Variants in BCAS3 observed in about 807,000 individuals in gnomAD.
BCAS3 encodes the protein BCAS3 microtubule associated cell migration factor, also known as BCAS4/BCAS3 fusion.
A neutral mutation model predicts 116.1 loss-of-function variants in BCAS3; 53 were observed. The observed-to-expected ratio is 0.46, with a 90% CI of 0.37 to 0.57. The LOEUF (loss-of-function observed/expected upper bound fraction) is 0.57. Among genes scored for constraint, BCAS3 ranks in the 20% least tolerant of loss-of-function variants. The probability of loss-of-function intolerance (pLI) is 0.00; values close to 1 mark genes in which losing one functional copy is unlikely to be tolerated. For synonymous variants in BCAS3, 391 were observed against 408.2 expected (o/e 0.96, Z 0.51); for missense variants, 917 against 1,165.4 (o/e 0.79, Z 3.10).
At position 61,286,371 on chromosome 17, in the gene BCAS3, C is replaced by G. The variant is rs1011391857; in HGVS notation, c.2426-81956C>G. Among the ~76,000 whole-genome samples the G allele has an allele frequency of 3.9e-5, 6 of 152,132 alleles. No individual in the cohort carries two copies. The highest frequency in any genetic ancestry group is 5.9e-5 in the Non-Finnish European group (4 of 68,030). ...GTTTATACTGATGTCTGCGCCCACT[C>G]CTGTGCTGGTGAAGTCTGGCGTGTG... On this transcript the variant is annotated intron_variant, in intron 22 of 23. Transcript: ENST00000407086. The surrounding 1 kb of genome is among the most constrained non-coding windows in gnomAD (Gnocchi z 4.8).
At chr17:61,043,792 G>T (rs1346980234) in intron 19 of BCAS3, among the ~76,000 whole-genome samples, 3 of 151,974 alleles carry the variant, frequency 2.0e-5, no homozygotes, top group Non-Finnish European at 4.4e-5. Flanking sequence ...ACAAATTATT[G>T]TAAAATAAAA....
At chr17:61,305,707 G>A (rs190556053) in intron 22 of BCAS3, among the ~76,000 whole-genome samples, 2,126 of 152,188 alleles carry the variant, frequency 0.014, 21 homozygotes, top group Non-Finnish European at 0.018. Flanking sequence ...AGCAGCCTGG[G>A]CAACATGGTG....
chr17:60,770,515 T>C (rs1433019608), intron 6 of BCAS3, among the ~76,000 whole-genome samples: 1 of 148,582 alleles, frequency 6.7e-6, no homozygotes, highest in Non-Finnish European at 1.5e-5. Flanking sequence ...GACTCCCTGG[T>C]TGAAACGATT....
intron 3 of BCAS3, among the ~76,000 whole-genome samples, chr17:60,685,265 A>G (rs559748212): frequency 1.3e-5 from 2 of 152,134 alleles, no homozygotes; most frequent in African/African-American, 4.8e-5. Flanking sequence ...CCTGACCAAC[A>G]TGGAGAAACC....
chr17:61,096,044 C>T (rs117964263), intron 22 of BCAS3, among the ~76,000 whole-genome samples: 7,601 of 152,184 alleles, frequency 0.05, 268 homozygotes, highest in Non-Finnish European at 0.08. Flanking sequence ...GTTGTCCAGG[C>T]TGGAGTGCAG....
intron 8 of BCAS3, among the ~76,000 whole-genome samples, chr17:60,872,461 A>C (rs1287225456): frequency 6.6e-6 from 1 of 150,462 alleles, no homozygotes; most frequent in African/African-American, 2.5e-5. Flanking sequence ...ATACACACAC[A>C]CCCCATATAT....
At chr17:60,812,330 A>C (rs2048908838) in intron 7 of BCAS3, among the ~76,000 whole-genome samples, 1 of 152,182 alleles carries the variant, frequency 6.6e-6, no homozygotes, top group Non-Finnish European at 1.5e-5. Flanking sequence ...GAGTTTGCAA[A>C]AAAATGTGAC....
Position 61,087,333 on chromosome 17 carries a change from A to G in BCAS3, c.2425+2769A>G, listed in dbSNP as rs987958456. 1.5e-5 allele frequency: 7 copies of G among 479,648 alleles called. No individual in the cohort carries two copies. Among genetic ancestry groups the G allele is most frequent in the Non-Finnish European group, 1.6e-5 (6 of 367,774 alleles). 29.7% of individuals were successfully genotyped at this position (479,648 alleles called of 1,614,324 possible). ...ATGGATTATCTTCTTAATTATTCCT[A>G]TGGCACATGTTACACCTAACCCTCT... On this transcript the variant is annotated intron_variant, in intron 22 of 23. Transcript: ENST00000407086. The surrounding 1 kb of genome is among the most constrained non-coding windows in gnomAD (Gnocchi z 4.6).
Position 61,063,914 on chromosome 17 carries a change from G to T in BCAS3, c.2030-11006G>T, listed in dbSNP as rs1241023944. ...CCTTCTTAAAACGAACTATCCATTTGTAAACTGCTGATTTCTCTGGGGCAT... is the reference window on the plus strand; with the variant it reads ...CCTTCTTAAAACGAACTATCCATTTTTAAACTGCTGATTTCTCTGGGGCAT... On this transcript the variant is annotated intron_variant, in intron 19 of 23. Coordinates refer to ENST00000407086, the MANE Select transcript of BCAS3 (RefSeq NM_017679.5). This position sits in a 1 kb window ranked among gnomAD's most constrained non-coding sequence, Gnocchi z 5.3. 6.6e-6 allele frequency among the ~76,000 whole-genome samples: 1 copy of T among 152,094 alleles called. No individual in the cohort carries two copies. The highest frequency in any genetic ancestry group is 1.5e-5 in the Non-Finnish European group (1 of 68,020).
intron 8 of BCAS3, among the ~76,000 whole-genome samples, chr17:60,871,908 A>G (rs951754397): frequency 6.6e-6 from 1 of 151,742 alleles, no homozygotes; most frequent in African/African-American, 2.4e-5. Flanking sequence ...GGAATTTTCT[A>G]TGATAATTTG....
Position 61,041,404 on chromosome 17 carries a change from G to A in BCAS3, c.2029+512G>A, listed in dbSNP as rs1425007564. Among the ~76,000 whole-genome samples, 3 of 152,156 alleles carry A rather than the reference G, an allele frequency of 2.0e-5. No homozygotes were observed. In the East Asian group the frequency reaches 5.8e-4, roughly 29 times the overall value. Reference sequence around the variant, plus strand: ...CTTATATGTTTAAGCGTGAGCATTTGTAGAGACTGAACCAAGTTCATTGAC... The same window carrying A: ...CTTATATGTTTAAGCGTGAGCATTTATAGAGACTGAACCAAGTTCATTGAC... On this transcript the variant is annotated intron_variant, in intron 19 of 23. Transcript: ENST00000407086. The surrounding 1 kb of genome is among the most constrained non-coding windows in gnomAD (Gnocchi z 4.7).
At chr17:60,692,322 A>G (rs2034940802) in intron 4 of BCAS3, among the ~76,000 whole-genome samples, 1 of 152,000 alleles carries the variant, frequency 6.6e-6, no homozygotes, top group South Asian at 2.1e-4. Flanking sequence ...GCTCACTGCA[A>G]GCTTCGCCTC....
At chr17:61,035,443 C>T (rs1202490347) in intron 17 of BCAS3, among the ~76,000 whole-genome samples, 1 of 151,802 alleles carries the variant, frequency 6.6e-6, no homozygotes, top group Non-Finnish European at 1.5e-5. Flanking sequence ...ATTAGCTGGG[C>T]GTGGTGGTGC....
At chr17:61,102,484 A>G (rs2074386406) in intron 22 of BCAS3, among the ~76,000 whole-genome samples, 1 of 152,130 alleles carries the variant, frequency 6.6e-6, no homozygotes, top group African/African-American at 2.4e-5. Flanking sequence ...CACTGTTACA[A>G]TTTCCATTTT....
rs1568977991 is a variant in BCAS3, at chr17:61,378,733, CA to C, written c.2593+10242del. 2 of 152,182 alleles carry C rather than the reference CA, an allele frequency of 1.3e-5. No homozygotes were observed. The highest frequency in any genetic ancestry group is 2.9e-5 in the Non-Finnish European group (2 of 68,050). The allele number at this position is 152,182 out of a possible 1,614,324, so 9.4% of individuals were successfully genotyped here. On this transcript the variant is annotated intron_variant, in intron 23 of 23. Coordinates refer to ENST00000407086, the MANE Select transcript of BCAS3 (RefSeq NM_017679.5). This position sits in a 1 kb window ranked among gnomAD's most constrained non-coding sequence, Gnocchi z 5.8. ...CCCTGAGAGGTAAATGAAAGCCAGTCAAAGCAATGGGAATAGTTATTGATTA... is the reference window on the plus strand; with the variant it reads ...CCCTGAGAGGTAAATGAAAGCCAGTCAAGCAATGGGAATAGTTATTGATTA...
intron 5 of BCAS3, among the ~76,000 whole-genome samples, chr17:60,715,986 C>T (rs2038557349): frequency 6.6e-6 from 1 of 152,100 alleles, no homozygotes; most frequent in Non-Finnish European, 1.5e-5. Context: ...CCTCAGCCTC[C>T]TGAGTAGCTT....
intron 22 of BCAS3, among the ~76,000 whole-genome samples, chr17:61,163,090 G>A (rs1042598188): frequency 2.0e-5 from 3 of 152,128 alleles, no homozygotes; most frequent in Non-Finnish European, 4.4e-5. Flanking sequence ...CCTACTAAAT[G>A]AGTAAAACCC....
intron 19 of BCAS3, among the ~76,000 whole-genome samples, chr17:61,045,861 ATAT>A (rs1236466284): frequency 0.022 from 134 of 6,228 alleles, 8 homozygotes; most frequent in South Asian, 0.028. Context: ...ATATATATAT[ATAT>A]AAATATATAT....
chr17:60,776,771 T>C (rs966000952), intron 6 of BCAS3, among the ~76,000 whole-genome samples: 9 of 147,966 alleles, frequency 6.1e-5, no homozygotes, highest in African/African-American at 2.0e-4. Flanking sequence ...ATCCCAACAC[T>C]TTGGGAGGCT....
Sources: gnomAD v4.1 joint callset for allele counts (sites outside exome capture counted in the v4.1 genomes callset) on GRCh38, gnomAD v4.1.1 for gene constraint, Gnocchi (gnomAD v3.1) non-coding constraint, MANE v1.5 for transcripts, NCBI Gene and HGNC (gene_info 2026-07-23, HGNC 2026-07-21) for gene names.